MTUS2: variants seen among roughly 807,000 people sequenced by gnomAD.
MTUS2 encodes microtubule-associated tumor suppressor candidate 2.
In MTUS2, 40 loss-of-function variants were observed where a neutral mutation model predicts 114.1. The observed-to-expected ratio is 0.35, with a 90% CI of 0.27 to 0.46. The LOEUF is 0.46. MTUS2 is among the 20% of genes least tolerant of loss of function. The pLI is 1.00. For missense variants in MTUS2, 1,679 were observed against 1,705.4 expected, an observed-to-expected ratio of 0.98 and a Z score of 0.27; for synonymous variants, 688 against 672.0, an observed-to-expected ratio of 1.02 and a Z score of -0.37.
At position 29,090,063 on chromosome 13, in the gene MTUS2, A is replaced by G. The variant is rs78873904; in HGVS notation, c.2447-10710A>G. 1.3e-3 allele frequency among the ~76,000 whole-genome samples: 205 copies of G among 152,246 alleles called. 2 individuals carry two copies. In the East Asian group the frequency reaches 0.014, roughly 10 times the overall value. On this transcript the variant is annotated intron_variant, in intron 4 of 15. Transcript: ENST00000612955. ...GGTTCTTTCTCATCTCTATGGGCTG[A>G]TATTACTTTAATCTTTAAAGTTGCT... is the stretch of plus-strand genomic sequence containing the variant.
chr13:29,299,747 T>G (rs1036986370), intron 6 of MTUS2, among the ~76,000 whole-genome samples: 1 of 152,184 alleles, frequency 6.6e-6, no homozygotes, highest in Non-Finnish European at 1.5e-5. Context: ...CTTGAAATCT[T>G]GAACTACGGC....
intron 6 of MTUS2, among the ~76,000 whole-genome samples, chr13:29,297,121 A>G (rs1263647059): frequency 3.9e-5 from 6 of 151,924 alleles, no homozygotes; most frequent in African/African-American, 9.7e-5. Context: ...GTTTATTTTT[A>G]TATATGGTGA....
intron 4 of MTUS2, among the ~76,000 whole-genome samples, chr13:29,092,261 A>G (rs1889988938): frequency 6.6e-6 from 1 of 152,126 alleles, no homozygotes; most frequent in Non-Finnish European, 1.5e-5. Flanking sequence ...CCCATTTTAC[A>G]TATTCCTACT....
At chr13:29,417,857 ACT>A (rs1875778764) in intron 8 of MTUS2, among the ~76,000 whole-genome samples, 1 of 151,942 alleles carries the variant, frequency 6.6e-6, no homozygotes. Context: ...CTTTGTAATA[ACT>A]CTGTATCTGC....
intron 5 of MTUS2, among the ~76,000 whole-genome samples, chr13:29,111,586 G>A (rs1238762866): frequency 2.6e-5 from 4 of 152,190 alleles, no homozygotes; most frequent in African/African-American, 9.7e-5. Flanking sequence ...CTATGGCAGA[G>A]TGAGAATATC....
At chr13:29,312,973 C>T (rs1593291296) in intron 6 of MTUS2, among the ~76,000 whole-genome samples, 1 of 152,144 alleles carries the variant, frequency 6.6e-6, no homozygotes, top group East Asian at 1.9e-4. Context: ...TGTTATTTTC[C>T]ATGGGGGAAG....
chr13:29,160,484 T>G (rs1466100435), intron 5 of MTUS2, among the ~76,000 whole-genome samples: 1 of 152,142 alleles, frequency 6.6e-6, no homozygotes, highest in African/African-American at 2.4e-5. Context: ...AAAAATTATA[T>G]CTGGGGCTGG....
chr13:29,287,669 C>T (rs1898546819), intron 6 of MTUS2, among the ~76,000 whole-genome samples: 1 of 152,228 alleles, frequency 6.6e-6, no homozygotes. Flanking sequence ...AGCTGCCCTA[C>T]AGGCATCTGA....
intron 2 of MTUS2, among the ~76,000 whole-genome samples, chr13:28,968,880 G>A (rs1883723141): frequency 6.6e-6 from 1 of 152,060 alleles, no homozygotes; most frequent in East Asian, 1.9e-4. Flanking sequence ...TACTAAAAAT[G>A]TAAATAAAAG....
At chr13:29,315,159 A>G (rs1353922735) in intron 6 of MTUS2, among the ~76,000 whole-genome samples, 1 of 152,234 alleles carries the variant, frequency 6.6e-6, no homozygotes. Flanking sequence ...AGTGGGTACT[A>G]GAAATTGGGA....
chr13:29,422,824 G>T (rs1338008470), intron 8 of MTUS2, among the ~76,000 whole-genome samples: 1 of 151,872 alleles, frequency 6.6e-6, no homozygotes, highest in Non-Finnish European at 1.5e-5. Flanking sequence ...TAGAGACAGG[G>T]TTTCACCCTG....
At chr13:28,824,801 A>AT (rs1036347124) in intron 1 of MTUS2, among the ~76,000 whole-genome samples, 2 of 152,214 alleles carry the variant, frequency 1.3e-5, no homozygotes, top group African/African-American at 4.8e-5. Context: ...TTACAGTGTA[A>AT]TGGAATGAAT....
At chr13:29,456,047 T>C (rs1879085529) in intron 9 of MTUS2, among the ~76,000 whole-genome samples, 1 of 152,164 alleles carries the variant, frequency 6.6e-6, no homozygotes, top group Non-Finnish European at 1.5e-5. Flanking sequence ...GCTCCAGATG[T>C]TGTAATTAGC....
intron 9 of MTUS2, among the ~76,000 whole-genome samples, chr13:29,469,936 G>T (rs1013405567): frequency 6.6e-6 from 1 of 152,074 alleles, no homozygotes. Context: ...ATCCAGTTTG[G>T]GGTCTGTGTT....
chr13:28,978,800 G>T (rs1269989869), intron 2 of MTUS2, among the ~76,000 whole-genome samples: 1 of 152,162 alleles, frequency 6.6e-6, no homozygotes, highest in Non-Finnish European at 1.5e-5. Flanking sequence ...TGTGACGACG[G>T]GTCAGTGGAC....
intron 6 of MTUS2, among the ~76,000 whole-genome samples, chr13:29,285,999 C>T (rs767897879): frequency 4.6e-5 from 7 of 152,184 alleles, no homozygotes; most frequent in Non-Finnish European, 8.8e-5. Flanking sequence ...GATCTTGGCT[C>T]ACTGCAGTCT....
intron 9 of MTUS2, among the ~76,000 whole-genome samples, chr13:29,473,974 T>G (rs1880507151): frequency 1.3e-5 from 2 of 152,252 alleles, no homozygotes; most frequent in South Asian, 4.1e-4. Flanking sequence ...GAAGGTTTAC[T>G]AGAGGCAACA....
chr13:29,041,282 C>A (rs1217127916), intron 4 of MTUS2, among the ~76,000 whole-genome samples: 1 of 152,072 alleles, frequency 6.6e-6, no homozygotes, highest in African/African-American at 2.4e-5. Context: ...TTTCTGGGTT[C>A]TTTATTCTGT....
chr13:29,280,209 T>G (rs1898215600), intron 5 of MTUS2, among the ~76,000 whole-genome samples: 1 of 152,196 alleles, frequency 6.6e-6, no homozygotes, highest in African/African-American at 2.4e-5. Context: ...TCAAACATAT[T>G]TTTTATCTGC....
Sources: allele counts gnomAD v4.1 joint callset (sites outside exome capture counted in the v4.1 genomes callset), GRCh38; gene constraint gnomAD v4.1.1; transcripts MANE v1.5; gene names NCBI Gene and HGNC (gene_info 2026-07-23, HGNC 2026-07-21).